MARCHF7: variants seen among roughly 807,000 people sequenced by gnomAD.
MARCHF7 encodes the protein E3 ubiquitin-protein ligase MARCHF7.
A neutral mutation model predicts 76.5 loss-of-function variants in MARCHF7; 20 were observed. The observed-to-expected ratio is 0.26, with a 90% CI of 0.18 to 0.38. The LOEUF is 0.38. Among genes scored for constraint, MARCHF7 ranks in the 10% least tolerant of loss-of-function variants. The pLI, the probability that MARCHF7 is intolerant of heterozygous loss-of-function variation, is 1.00. For synonymous variants in MARCHF7, 295 were observed against 293.0 expected, an observed-to-expected ratio of 1.01 and a Z score of -0.07; for missense variants, 797 against 812.9, an observed-to-expected ratio of 0.98 and a Z score of 0.24.
At chr2:159,765,356 A>T (rs1037257228) in intron 11 of MARCHF7, among the ~76,000 whole-genome samples, 1 of 152,102 alleles carries the variant, frequency 6.6e-6, no homozygotes, top group Non-Finnish European at 1.5e-5. Flanking sequence ...CTCTACAGGC[A>T]TCTATACAGC....
chr2:159,718,839 A>G (rs1045327401), intron 3 of MARCHF7, among the ~76,000 whole-genome samples: 5 of 152,132 alleles, frequency 3.3e-5, no homozygotes, highest in Non-Finnish European at 7.4e-5. Context: ...AATAGAAGGT[A>G]CAGTATAAGT....
chr2:159,749,309 T>C (rs1705314162), intron 7 of MARCHF7, among the ~76,000 whole-genome samples: 1 of 152,052 alleles, frequency 6.6e-6, no homozygotes, highest in African/African-American at 2.4e-5. Flanking sequence ...TGGCTTCTTA[T>C]AAAATTGAAA....
chr2:159,728,749 C>G (rs1477952691), intron 3 of MARCHF7, among the ~76,000 whole-genome samples: 1 of 152,042 alleles, frequency 6.6e-6, no homozygotes, highest in Non-Finnish European at 1.5e-5. Flanking sequence ...GAAAAGAGCC[C>G]AGATTTTGGA....
intron 8 of MARCHF7, 94 bp from the exon 9 acceptor site, chr2:159,759,132 G>GT: frequency 1.4e-6 from 1 of 707,188 alleles, no homozygotes; most frequent in Non-Finnish European, 2.4e-6. Context: ...TTCCTTTAAG[G>GT]TTTTATTTAT....
intron 9 of MARCHF7, among the ~76,000 whole-genome samples, chr2:159,761,579 T>TA (rs972308939): frequency 4.6e-5 from 7 of 151,398 alleles, no homozygotes; most frequent in Non-Finnish European, 1.0e-4. Context: ...CACACCCAGC[T>TA]AATTGTATTT....
chr2:159,726,987 A>G lies in MARCHF7; in HGVS notation c.-14-2022A>G, dbSNP rs576331469. ...ATAGGTTATACTATATAATCCAGGT[A>G]TTAGACTATACCATCTAGGTTTGTG... On this transcript the variant is annotated intron_variant, in intron 3 of 11. Transcript: ENST00000409175. Among the ~76,000 whole-genome samples, 3 of 152,368 alleles carry G rather than the reference A, an allele frequency of 2.0e-5. No individual in the cohort carries two copies. The East Asian group carries it at 5.8e-4, about 29-fold the overall frequency.
Position 159,748,107 on chromosome 2 carries a change from A to G in MARCHF7, c.817A>G (p.Asn273Asp). The change falls in exon 7 of 12, where the codon AAT (asparagine) becomes GAT (aspartate). Residue 273 changes from asparagine to aspartate, a missense_variant. This residue lies in a region of MARCHF7 where 643 missense variants were observed against 631.5 expected (regional missense o/e 1.02). Coordinates refer to ENST00000409175, the MANE Select transcript of MARCHF7 (RefSeq NM_001282805.2). ...AAGACCATTTCAAGAATCTTCTGAC[A>G]ATGAAGGTAGGCGGACAACGAGGAG... Reference protein sequence around the residue: ...SQRPFQESSDNEGRRTTRRLL... With the variant: ...SQRPFQESSDDEGRRTTRRLL... 1 of 1,614,092 alleles carries G rather than the reference A, an allele frequency of 6.2e-7. No homozygotes were observed. The highest frequency in any genetic ancestry group is 8.5e-7 in the Non-Finnish European group (1 of 1,179,996).
chr2:159,712,909 C>G (rs1029959554), intron 1 of MARCHF7, among the ~76,000 whole-genome samples: 2 of 152,048 alleles, frequency 1.3e-5, no homozygotes, highest in African/African-American at 4.8e-5. Context: ...GTGTCTTCCT[C>G]AGGGACGTGT....
chr2:159,730,489 C>A (rs982079166), intron 4 of MARCHF7, among the ~76,000 whole-genome samples: 4 of 152,166 alleles, frequency 2.6e-5, no homozygotes, highest in Non-Finnish European at 5.9e-5. Context: ...TGAAAATGCT[C>A]ATATCTACTA....
chr2:159,731,802 A>T (rs571636456), intron 4 of MARCHF7, among the ~76,000 whole-genome samples: 22 of 149,816 alleles, frequency 1.5e-4, no homozygotes, highest in East Asian at 8.1e-4. Flanking sequence ...AGCATTTTTT[A>T]AAAAAAACCA....
At chr2:159,753,391 G>A (rs1433037578) in intron 8 of MARCHF7, among the ~76,000 whole-genome samples, 1 of 151,950 alleles carries the variant, frequency 6.6e-6, no homozygotes, top group Non-Finnish European at 1.5e-5. Flanking sequence ...CTAACACGGT[G>A]AAACCCCATC....
rs1383921585 is a variant in MARCHF7 at position 159,723,666 on chromosome 2, A to ATATG, written c.-14-5340_-14-5337dup. On this transcript the variant is annotated intron_variant, in intron 3 of 11. Coordinates refer to ENST00000409175, the MANE Select transcript of MARCHF7 (RefSeq NM_001282805.2). ...TTCCACTGCCCACTTCCATCTCACA[A>ATATG]TATGTAGCAAATTGATTCAGTAGTC... 3.3e-5 allele frequency among the ~76,000 whole-genome samples: 5 copies of ATATG among 152,150 alleles called. No individual in the cohort carries two copies. In the East Asian group the frequency reaches 7.7e-4, roughly 23 times the overall value.
chr2:159,763,117 C>G (rs909964445), intron 10 of MARCHF7, 124 bp downstream of exon 10: 1 of 487,858 alleles, frequency 2.0e-6, no homozygotes, highest in East Asian at 3.5e-5. Flanking sequence ...TTAAATGTTT[C>G]TTAAAAATAA....
At chr2:159,749,736 G>GC (rs1560018571) in intron 7 of MARCHF7, among the ~76,000 whole-genome samples, 1 of 125,036 alleles carries the variant, frequency 8.0e-6, no homozygotes, top group Non-Finnish European at 1.8e-5. Flanking sequence ...AATGGTTGGG[G>GC]CGGGGGGGGC....
chr2:159,736,954 A>G (rs1574299449), intron 4 of MARCHF7, among the ~76,000 whole-genome samples: 1 of 152,220 alleles, frequency 6.6e-6, no homozygotes, highest in African/African-American at 2.4e-5. Flanking sequence ...TATAATTCAT[A>G]TACCATACAA....
rs1296155795 is a variant in MARCHF7 at position 159,725,917 on chromosome 2, T to C, written c.-14-3092T>C. Among the ~76,000 whole-genome samples, 8 of 152,190 alleles carry C rather than the reference T, an allele frequency of 5.3e-5. No individual in the cohort carries two copies. In the East Asian group the frequency reaches 5.8e-4, roughly 11 times the overall value. ...TTTCAGATGACATTCAGAAATCTTA[T>C]CACGGGTGTTTGGTGATCCAAGAGT... On this transcript the variant is annotated intron_variant, in intron 3 of 11. Transcript: ENST00000409175.
At chr2:159,754,207 AGC>A (rs1390578806) in intron 8 of MARCHF7, among the ~76,000 whole-genome samples, 1 of 152,214 alleles carries the variant, frequency 6.6e-6, no homozygotes, top group African/African-American at 2.4e-5. Context: ...CCCAGGACAG[AGC>A]CCTGGGATAC....
chr2:159,738,451 G>A (rs10190704), intron 4 of MARCHF7, among the ~76,000 whole-genome samples: 52,595 of 151,982 alleles, frequency 0.35, 9,318 homozygotes, highest in South Asian at 0.44. Flanking sequence ...CTTGTCCCAC[G>A]TCCAGAGAGA....
intron 2 of MARCHF7, among the ~76,000 whole-genome samples, chr2:159,715,280 A>G (rs936471247): frequency 6.6e-6 from 1 of 152,162 alleles, no homozygotes; most frequent in Non-Finnish European, 1.5e-5. Flanking sequence ...TTATCTTAAT[A>G]TACAGCATTT....
Sources: gnomAD v4.1 joint callset for allele counts (sites outside exome capture counted in the v4.1 genomes callset) on GRCh38, gnomAD v4.1.1 for gene constraint, gnomAD v4.1.1 regional missense constraint, MANE v1.5 for transcripts, NCBI Gene and HGNC (gene_info 2026-07-23, HGNC 2026-07-21) for gene names.